The following ACTR3C variants were observed in gnomAD, a reference collection of about 807,000 sequenced individuals.
ACTR3C encodes actin related protein 3C, also known as actin-related protein 3C.
Under a neutral mutation model 26.3 loss-of-function variants are expected in ACTR3C, and 18 were observed. That is an observed-to-expected ratio of 0.68 (90% CI 0.47 to 1.01). The LOEUF (loss-of-function observed/expected upper bound fraction) is 1.01, where lower values mean the gene tolerates loss of function less well. Ranked by LOEUF, ACTR3C falls within the 50% of genes least tolerant of loss-of-function variation. The pLI is 0.00. For missense variants in ACTR3C, 184 were observed against 250.7 expected (o/e 0.73, Z 1.80); for synonymous variants, 55 against 94.5 (o/e 0.58, Z 2.42).
chr7:150,249,189 C>T (rs920145428), intron 6 of ACTR3C, 135 bp from the exon 7 acceptor site: 24 of 424,778 alleles, frequency 5.7e-5, no homozygotes, highest in African/African-American at 4.2e-4. Context: ...TGAAATGTTG[C>T]TTAAAGGAGA....
At chr7:150,034,304 C>A in the ACTR3C span, among the ~76,000 whole-genome samples, 3 of 151,648 alleles carry the variant, frequency 2.0e-5, no homozygotes, top group Admixed American at 6.6e-5. Flanking sequence ...TCAGCCAGGG[C>A]CCCACAGTTT....
At chr7:150,046,241 C>A in the ACTR3C span, among the ~76,000 whole-genome samples, 1 of 149,550 alleles carries the variant, frequency 6.7e-6, no homozygotes, top group African/African-American at 2.4e-5. Flanking sequence ...TTTCCACATC[C>A]TTCATTCATA....
At chr7:150,025,489 T>C in the ACTR3C span, among the ~76,000 whole-genome samples, 6 of 141,802 alleles carry the variant, frequency 4.2e-5, no homozygotes, top group African/African-American at 1.3e-4. Context: ...ACAGGGAAGT[T>C]GAAGAAAGAC....
chr7:150,302,495 T>C (rs1363288002), intron 1 of ACTR3C, among the ~76,000 whole-genome samples: 2 of 151,692 alleles, frequency 1.3e-5, no homozygotes, highest in Admixed American at 1.3e-4. Flanking sequence ...AAGCAGGAAA[T>C]ACCTACTAGA....
At chr7:150,063,518 C>A in the ACTR3C span, among the ~76,000 whole-genome samples, 1 of 151,366 alleles carries the variant, frequency 6.6e-6, no homozygotes, top group Non-Finnish European at 1.5e-5. Flanking sequence ...GTCTTCCTAC[C>A]AAGCTCAAAG....
the ACTR3C span, among the ~76,000 whole-genome samples, chr7:150,127,528 G>A: frequency 6.6e-6 from 1 of 151,736 alleles, no homozygotes; most frequent in East Asian, 1.9e-4. Flanking sequence ...CTGCAGCAGC[G>A]TTTAATTCTG....
At chr7:149,970,573 A>C in the ACTR3C span, among the ~76,000 whole-genome samples, 178 of 152,226 alleles carry the variant, frequency 1.2e-3, no homozygotes, top group Middle Eastern at 6.8e-3. Flanking sequence ...TTCTCTCTCT[A>C]ATGACCCCAT....
the ACTR3C span, among the ~76,000 whole-genome samples, chr7:150,179,169 T>C: frequency 6.9e-6 from 1 of 144,786 alleles, no homozygotes; most frequent in South Asian, 2.1e-4. Context: ...ACCTAGAATA[T>C]TATGAAAATA....
the ACTR3C span, among the ~76,000 whole-genome samples, chr7:150,235,991 C>T: frequency 1.3e-5 from 2 of 150,306 alleles, no homozygotes; most frequent in Non-Finnish European, 2.9e-5. Flanking sequence ...ACCTTTTGTG[C>T]ATTATATTTT....
the ACTR3C span, among the ~76,000 whole-genome samples, chr7:149,899,116 G>A: frequency 6.6e-6 from 1 of 151,344 alleles, no homozygotes; most frequent in African/African-American, 2.4e-5. Context: ...CTGGAGTAGT[G>A]TCAGAAAAGA....
the ACTR3C span, among the ~76,000 whole-genome samples, chr7:149,920,467 T>C: frequency 6.6e-6 from 1 of 151,788 alleles, no homozygotes; most frequent in Non-Finnish European, 1.5e-5. Context: ...TCACCACACC[T>C]GGCTTTTTCT....
chr7:150,120,677 A>G, the ACTR3C span, among the ~76,000 whole-genome samples: 1 of 152,220 alleles, frequency 6.6e-6, no homozygotes, highest in Non-Finnish European at 1.5e-5. Context: ...AGCTGGTACC[A>G]TTCCTTCTAA....
the ACTR3C span, among the ~76,000 whole-genome samples, chr7:150,133,814 T>A: frequency 3.9e-5 from 6 of 152,192 alleles, no homozygotes; most frequent in African/African-American, 9.6e-5. Flanking sequence ...CAGGGCACAC[T>A]GCAGTCTTGA....
chr7:150,182,954 C>T, the ACTR3C span, among the ~76,000 whole-genome samples: 1 of 150,902 alleles, frequency 6.6e-6, no homozygotes, highest in Admixed American at 6.6e-5. Context: ...ACTCCATCTT[C>T]TACAATTAAA....
the ACTR3C span, among the ~76,000 whole-genome samples, chr7:150,069,186 A>G: frequency 2.0e-5 from 3 of 152,230 alleles, no homozygotes; most frequent in African/African-American, 7.2e-5. Context: ...GTCACAGGTA[A>G]TGCCAAAACT....
the ACTR3C span, among the ~76,000 whole-genome samples, chr7:150,012,317 CTTTTT>C: frequency 3.8e-5 from 5 of 131,258 alleles, no homozygotes; most frequent in Non-Finnish European, 4.8e-5. Context: ...ATAAATGCAT[CTTTTT>C]TTTTTTTTTT....
the ACTR3C span, among the ~76,000 whole-genome samples, chr7:150,121,304 A>G: frequency 3.3e-5 from 5 of 152,248 alleles, no homozygotes; most frequent in Non-Finnish European, 5.9e-5. Context: ...CTGTTTGCAG[A>G]TGACATGACT....
the ACTR3C span, among the ~76,000 whole-genome samples, chr7:150,163,930 A>C: frequency 6.6e-6 from 1 of 152,100 alleles, no homozygotes; most frequent in South Asian, 2.1e-4. Context: ...TCACACACAC[A>C]CCCCAAAATA....
chr7:150,038,884 G>T, the ACTR3C span, among the ~76,000 whole-genome samples: 1 of 105,918 alleles, frequency 9.4e-6, no homozygotes, highest in Non-Finnish European at 2.2e-5. Flanking sequence ...CCTCGCGGGG[G>T]GTGCCTCCCC....
Sources: allele counts gnomAD v4.1 joint callset (sites outside exome capture counted in the v4.1 genomes callset), GRCh38; gene constraint gnomAD v4.1.1; transcripts MANE v1.5; gene names NCBI Gene and HGNC (gene_info 2026-07-23, HGNC 2026-07-21).